The following TRPM3 variants were observed in gnomAD, a reference collection of about 807,000 sequenced individuals.
TRPM3 encodes the protein long transient receptor potential channel 3.
In TRPM3, 77 loss-of-function variants were observed where a neutral mutation model predicts 181.2. The ratio of observed to expected loss-of-function variants is 0.42; its 90% CI spans 0.35 to 0.51. The LOEUF (loss-of-function observed/expected upper bound fraction) is 0.51. Among genes scored for constraint, TRPM3 ranks in the 20% least tolerant of loss-of-function variants. The pLI, the probability that TRPM3 is intolerant of heterozygous loss-of-function variation, is 0.01. For missense variants in TRPM3, 1,759 were observed against 2,196.7 expected (o/e 0.80, Z 3.98); for synonymous variants, 745 against 796.4 (o/e 0.94, Z 1.09).
At chr9:71,129,143 G>A (rs2074223107) in intron 1 of TRPM3, among the ~76,000 whole-genome samples, 1 of 152,116 alleles carries the variant, frequency 6.6e-6, no homozygotes, top group African/African-American at 2.4e-5. Flanking sequence ...ATGCAACATT[G>A]TTGATATTTA....
chr9:71,189,369 G>A lies in TRPM3; in HGVS notation c.183+257284C>T, dbSNP rs545909555. Among the ~76,000 whole-genome samples the A allele has an allele frequency of 7.9e-5, 12 of 151,894 alleles. No individual in the cohort carries two copies. The South Asian group carries it at 1.9e-3, about 24-fold the overall frequency. On this transcript the variant is annotated intron_variant, in intron 1 of 24. Coordinates refer to the TRPM3 transcript ENST00000357533. ...CAGCATATATGGTACATTTGTATAC[G>A]TATGTTGTTTTAAACAAAATTACCT...
intron 1 of TRPM3, among the ~76,000 whole-genome samples, chr9:71,259,621 T>C (rs1183765704): frequency 6.6e-6 from 1 of 152,220 alleles, no homozygotes; most frequent in Non-Finnish European, 1.5e-5. Context: ...GTGGTTTTGA[T>C]TTGCATTTCT....
At chr9:71,314,222 A>ACCCT (rs2088308642) in intron 1 of TRPM3, among the ~76,000 whole-genome samples, 1 of 152,214 alleles carries the variant, frequency 6.6e-6, no homozygotes, top group East Asian at 1.9e-4. Context: ...CCTTAAAGAG[A>ACCCT]ACTCACTTAT....
At chr9:70,803,031 T>TG (rs2089591788) in intron 6 of TRPM3, among the ~76,000 whole-genome samples, 5 of 63,218 alleles carry the variant, frequency 7.9e-5, no homozygotes, top group Admixed American at 7.3e-4. Context: ...GGAGAAATTT[T>TG]GTAAAAAAAA....
At chr9:71,328,604 G>A (rs541327082) in intron 1 of TRPM3, among the ~76,000 whole-genome samples, 4 of 152,224 alleles carry the variant, frequency 2.6e-5, no homozygotes, top group African/African-American at 9.6e-5. Context: ...GACTGATTTC[G>A]ATTCCCAGAT....
chr9:71,290,207 C>G (rs760450027), intron 1 of TRPM3, among the ~76,000 whole-genome samples: 1 of 151,950 alleles, frequency 6.6e-6, no homozygotes. Flanking sequence ...GTGACGCACT[C>G]TTTTTCAGAA....
chr9:70,885,517 C>G (rs1042979699), intron 1 of TRPM3, among the ~76,000 whole-genome samples: 2 of 152,190 alleles, frequency 1.3e-5, no homozygotes, highest in Non-Finnish European at 2.9e-5. Context: ...ACCACATTTT[C>G]TGGCTTGTCT....
intron 1 of TRPM3, among the ~76,000 whole-genome samples, chr9:70,981,288 A>G (rs988783473): frequency 6.6e-6 from 1 of 152,202 alleles, no homozygotes; most frequent in Non-Finnish European, 1.5e-5. Context: ...TAAAAGCATC[A>G]TTAGTGCGAT....
At chr9:71,023,031 TA>T (rs886570492) in intron 1 of TRPM3, among the ~76,000 whole-genome samples, 1 of 152,046 alleles carries the variant, frequency 6.6e-6, no homozygotes, top group Non-Finnish European at 1.5e-5. Context: ...TTTTCTTCTT[TA>T]AAAAAACCCT....
chr9:70,568,795 T>C (rs973250675), intron 22 of TRPM3, among the ~76,000 whole-genome samples: 3 of 152,228 alleles, frequency 2.0e-5, no homozygotes, highest in Non-Finnish European at 2.9e-5. Context: ...CATGCCCAGA[T>C]ATCTGCATTT....
chr9:70,677,094 G>A (rs764251433), intron 9 of TRPM3, among the ~76,000 whole-genome samples: 7 of 151,980 alleles, frequency 4.6e-5, no homozygotes, highest in Middle Eastern at 3.2e-3. Context: ...TCGGACACTG[G>A]ACCAAAGTGA....
chr9:71,202,319 G>A (rs2078856520), intron 1 of TRPM3, among the ~76,000 whole-genome samples: 1 of 152,098 alleles, frequency 6.6e-6, no homozygotes, highest in Non-Finnish European at 1.5e-5. Flanking sequence ...CCCATTCTCA[G>A]ATCTCCATGT....
chr9:70,777,231 A>G (rs1234594557), intron 7 of TRPM3, among the ~76,000 whole-genome samples: 3 of 152,094 alleles, frequency 2.0e-5, no homozygotes, highest in Non-Finnish European at 2.9e-5. Context: ...TTTGCTCTTT[A>G]TGTTCAAGGA....
Position 71,345,954 on chromosome 9 carries a change from A to G in TRPM3, c.183+100699T>C, listed in dbSNP as rs148681282. Among the ~76,000 whole-genome samples the G allele has an allele frequency of 3.5e-3, 535 of 152,338 alleles. 1 individual carries two copies. Among genetic ancestry groups the G allele is most frequent in the Non-Finnish European group, 6.2e-3 (419 of 68,028 alleles). On this transcript the variant is annotated intron_variant, in intron 1 of 24. Coordinates refer to the TRPM3 transcript ENST00000357533. The stretch of plus-strand genomic sequence containing the variant: ...ACCAACTGGAAGTCTTAACCTTACC[A>G]ATAGTATGCTATGGGAAATTGTTTA...
At chr9:70,826,952 G>A (rs1442675349) in intron 6 of TRPM3, 1 of 152,186 alleles carries the variant, frequency 6.6e-6, no homozygotes, top group Non-Finnish European at 1.5e-5. Flanking sequence ...AAGCCACTTA[G>A]TGATCTGGGG....
intron 1 of TRPM3, among the ~76,000 whole-genome samples, chr9:71,211,325 T>G (rs537812138): frequency 2.0e-5 from 3 of 151,642 alleles, no homozygotes; most frequent in African/African-American, 7.3e-5. Context: ...AAATTCATTC[T>G]TTCTTTCATT....
intron 24 of TRPM3, 81 bp downstream of exon 24, chr9:70,552,763 G>T: frequency 7.0e-7 from 1 of 1,433,614 alleles, no homozygotes; most frequent in Non-Finnish European, 9.8e-7. Context: ...AACTAGGTGG[G>T]CATGCGATTC....
chr9:71,314,997 C>T (rs2088417963), intron 1 of TRPM3, among the ~76,000 whole-genome samples: 1 of 152,084 alleles, frequency 6.6e-6, no homozygotes, highest in African/African-American at 2.4e-5. Context: ...TGATCTTGTA[C>T]AAGGTTCTTG....
At chr9:70,572,414 G>A (rs2052683690) in intron 22 of TRPM3, among the ~76,000 whole-genome samples, 2 of 152,060 alleles carry the variant, frequency 1.3e-5, no homozygotes, top group Admixed American at 1.3e-4. Context: ...ATTACTATTA[G>A]CTAAACTCCA....
Sources: gnomAD v4.1 joint callset for allele counts (sites outside exome capture counted in the v4.1 genomes callset) on GRCh38, gnomAD v4.1.1 for gene constraint, MANE v1.5 for transcripts, NCBI Gene and HGNC (gene_info 2026-07-23, HGNC 2026-07-21) for gene names.